The following PLPPR5 variants were observed in gnomAD, a reference collection of about 807,000 sequenced individuals.
PLPPR5 encodes the protein phospholipid phosphatase-related protein type 5.
Under a neutral mutation model 33.9 loss-of-function variants are expected in PLPPR5, and 16 were observed. The observed-to-expected ratio is 0.47, with a 90% CI of 0.32 to 0.72. The LOEUF is 0.72. Ranked by LOEUF, PLPPR5 falls within the 30% of genes least tolerant of loss-of-function variation. The probability of loss-of-function intolerance (pLI) is 0.03; values close to 1 mark genes in which losing one functional copy is unlikely to be tolerated. For synonymous variants in PLPPR5, 163 were observed against 150.3 expected, an observed-to-expected ratio of 1.08 and a Z score of -0.62; for missense variants, 301 against 406.7, an observed-to-expected ratio of 0.74 and a Z score of 2.23.
intron 4 of PLPPR5, among the ~76,000 whole-genome samples, chr1:98,920,301 G>T (rs973662261): frequency 6.6e-6 from 1 of 152,046 alleles, no homozygotes; most frequent in Admixed American, 6.6e-5. Flanking sequence ...GACCCGCAGA[G>T]CTGAAATACA....
At chr1:98,981,103 T>C (rs547142286) in intron 1 of PLPPR5, among the ~76,000 whole-genome samples, 3 of 152,182 alleles carry the variant, frequency 2.0e-5, no homozygotes, top group African/African-American at 4.8e-5. Flanking sequence ...TAAACCAATA[T>C]TATATTTTTT....
rs1191252065 is a variant in PLPPR5, at chr1:98,890,891, C to T, written c.*2181G>A. On this transcript the variant is annotated 3_prime_UTR_variant, in exon 6 of 6. Coordinates refer to ENST00000263177, the MANE Select transcript of PLPPR5 (RefSeq NM_001037317.2). ...TTGAAGAATTTAAAACTCCTGCATT[C>T]GTATCAGGTTTAGCAAGGTGCAAAG... 4.6e-5 allele frequency: 7 copies of T among 152,210 alleles called. No individual in the cohort carries two copies. The highest frequency in any genetic ancestry group is 2.1e-4 in the South Asian group (1 of 4,828). 9.4% of individuals were successfully genotyped at this position (152,210 alleles called of 1,614,324 possible).
chr1:98,930,709 G>T (rs1371125853), intron 3 of PLPPR5, among the ~76,000 whole-genome samples: 1 of 152,024 alleles, frequency 6.6e-6, no homozygotes, highest in Non-Finnish European at 1.5e-5. Flanking sequence ...ACGTATTTCT[G>T]ACCTCATTTC....
At chr1:98,997,532 G>C (rs1205494431) in intron 1 of PLPPR5, among the ~76,000 whole-genome samples, 2 of 152,142 alleles carry the variant, frequency 1.3e-5, no homozygotes, top group Non-Finnish European at 2.9e-5. Context: ...TTCTAATCAT[G>C]TTGACAATAC....
chr1:98,938,711 T>C (rs1159348339), intron 3 of PLPPR5, among the ~76,000 whole-genome samples: 1 of 152,066 alleles, frequency 6.6e-6, no homozygotes, highest in Non-Finnish European at 1.5e-5. Flanking sequence ...ACTGGAACAC[T>C]GGTGCTTGAA....
intron 1 of PLPPR5, among the ~76,000 whole-genome samples, chr1:98,966,920 A>T (rs1204866601): frequency 6.6e-6 from 1 of 152,158 alleles, no homozygotes; most frequent in African/African-American, 2.4e-5. Context: ...AACTTGACAG[A>T]AATGCACATT....
chr1:98,980,818 T>C (rs1207656528), intron 1 of PLPPR5, among the ~76,000 whole-genome samples: 1 of 152,024 alleles, frequency 6.6e-6, no homozygotes, highest in African/African-American at 2.4e-5. Context: ...GAAATAAAAA[T>C]AAACTTGCCA....
chr1:98,927,459 T>C (rs1280240143), intron 3 of PLPPR5, among the ~76,000 whole-genome samples: 1 of 152,154 alleles, frequency 6.6e-6, no homozygotes, highest in Non-Finnish European at 1.5e-5. Context: ...ACTGACTTGG[T>C]CCATCTAGGC....
At chr1:98,988,489 T>G (rs370817654) in intron 1 of PLPPR5, among the ~76,000 whole-genome samples, 6 of 152,146 alleles carry the variant, frequency 3.9e-5, no homozygotes, top group Admixed American at 2.6e-4. Context: ...GACTATATCC[T>G]GAATTATCTA....
chr1:98,976,998 G>T (rs558825718), intron 1 of PLPPR5, among the ~76,000 whole-genome samples: 48 of 152,148 alleles, frequency 3.2e-4, no homozygotes, highest in South Asian at 4.1e-4. Context: ...GGAGGAGACA[G>T]CTGCATAGGT....
intron 5 of PLPPR5, among the ~76,000 whole-genome samples, chr1:98,912,269 A>G (rs1649179723): frequency 6.6e-6 from 1 of 152,240 alleles, no homozygotes; most frequent in Non-Finnish European, 1.5e-5. Context: ...TCTTAACTGT[A>G]AAATGGGAAT....
chr1:99,003,073 A>G (rs1194782360), intron 1 of PLPPR5, among the ~76,000 whole-genome samples: 1 of 135,188 alleles, frequency 7.4e-6, no homozygotes, highest in East Asian at 2.1e-4. Context: ...ATATATATAT[A>G]TATATATATA....
chr1:98,902,941 T>C (rs1648750315), intron 5 of PLPPR5, among the ~76,000 whole-genome samples: 2 of 152,140 alleles, frequency 1.3e-5, no homozygotes, highest in African/African-American at 4.8e-5. Context: ...AGGGAAAAGC[T>C]GTCTTTTATT....
intron 3 of PLPPR5, among the ~76,000 whole-genome samples, chr1:98,945,219 A>G (rs943797864): frequency 6.6e-6 from 1 of 152,254 alleles, no homozygotes; most frequent in African/African-American, 2.4e-5. Flanking sequence ...AAATTATAAA[A>G]TATGCATTCA....
At chr1:98,979,564 G>C (rs894165381) in intron 1 of PLPPR5, among the ~76,000 whole-genome samples, 1 of 152,008 alleles carries the variant, frequency 6.6e-6, no homozygotes, top group Non-Finnish European at 1.5e-5. Flanking sequence ...AGATTGTTTG[G>C]TTCCATATCA....
intron 3 of PLPPR5, among the ~76,000 whole-genome samples, chr1:98,946,088 T>TAAATCC (rs1186103050): frequency 6.6e-6 from 1 of 152,176 alleles, no homozygotes; most frequent in Non-Finnish European, 1.5e-5. Context: ...GGAAACCAGC[T>TAAATCC]AAATCCAAAT....
chr1:98,998,005 A>T (rs1482549176), intron 1 of PLPPR5, among the ~76,000 whole-genome samples: 3 of 152,154 alleles, frequency 2.0e-5, no homozygotes, highest in Admixed American at 1.3e-4. Flanking sequence ...AGAAAAAAAC[A>T]CTAACTGGTG....
chr1:98,926,795 G>A (rs1244631005), intron 3 of PLPPR5, among the ~76,000 whole-genome samples: 1 of 152,086 alleles, frequency 6.6e-6, no homozygotes, highest in African/African-American at 2.4e-5. Context: ...ATGGCACTTT[G>A]CCCGAGATCT....
intron 5 of PLPPR5, among the ~76,000 whole-genome samples, chr1:98,894,474 G>C (rs1255555150): frequency 2.0e-5 from 3 of 152,056 alleles, no homozygotes; most frequent in Admixed American, 6.6e-5. Flanking sequence ...CTGAGAAAAT[G>C]CAATTCGATA....
Sources: gnomAD v4.1 joint callset for allele counts (sites outside exome capture counted in the v4.1 genomes callset) on GRCh38, gnomAD v4.1.1 for gene constraint, MANE v1.5 for transcripts, NCBI Gene and HGNC (gene_info 2026-07-23, HGNC 2026-07-21) for gene names.